PSMC4: variants seen among roughly 807,000 people sequenced by gnomAD.
PSMC4 encodes proteasome 26S subunit, ATPase 4.
Under a neutral mutation model 48.4 loss-of-function variants are expected in PSMC4, and 13 were observed. The ratio of observed to expected loss-of-function variants is 0.27; its 90% CI spans 0.18 to 0.43. PSMC4 has a LOEUF of 0.43. Ranked by LOEUF, PSMC4 falls within the 20% of genes least tolerant of loss-of-function variation. The pLI is 1.00. For missense variants in PSMC4, 262 were observed against 555.9 expected (o/e 0.47, Z 5.32); for synonymous variants, 202 against 212.3 (o/e 0.95, Z 0.42).
Position 39,974,233 on chromosome 19 carries a change from G to A in PSMC4, c.323-61G>A, listed in dbSNP as rs1971155649. 6.9e-6 allele frequency: 11 copies of A among 1,591,772 alleles called. No individual in the cohort carries two copies. The highest frequency in any genetic ancestry group is 8.6e-6 in the Non-Finnish European group (10 of 1,166,036). On this transcript the variant is annotated intron_variant, in intron 3 of 10. Transcript: ENST00000157812. The surrounding 1 kb of genome is among the most constrained non-coding windows in gnomAD (Gnocchi z 5.5). ...TTGGGGTGTGGAGATTAGGAGGGAG[G>A]AAGGGGGAAGGGGCAGTTTCCAGGC... is the stretch of plus-strand genomic sequence containing the variant.
chr19:39,978,004 C>T (rs1390793178), intron 6 of PSMC4, among the ~76,000 whole-genome samples: 1 of 151,944 alleles, frequency 6.6e-6, no homozygotes, highest in African/African-American at 2.4e-5. Flanking sequence ...TCTTCATTTT[C>T]AGTAGAGACA....
rs1045707313 is a variant in PSMC4, at chr19:39,974,239, G to A, written c.323-55G>A. The A allele has an allele frequency of 7.1e-5, 113 of 1,599,088 alleles. No homozygotes were observed. The highest frequency in any genetic ancestry group is 9.2e-5 in the Non-Finnish European group (108 of 1,170,792). Reference sequence around the variant, plus strand: ...TGTGGAGATTAGGAGGGAGGAAGGGGGAAGGGGCAGTTTCCAGGCTGACAC... The same window carrying A: ...TGTGGAGATTAGGAGGGAGGAAGGGAGAAGGGGCAGTTTCCAGGCTGACAC... On this transcript the variant is annotated intron_variant, in intron 3 of 10. Transcript: ENST00000157812. This position sits in a 1 kb window ranked among gnomAD's most constrained non-coding sequence, Gnocchi z 5.5.
chr19:39,980,795 CT>C lies in PSMC4; in HGVS notation c.1143+79del. 4 of 1,436,904 alleles carry C rather than the reference CT, an allele frequency of 2.8e-6. No homozygotes were observed. The highest frequency in any genetic ancestry group is 3.9e-6 in the Non-Finnish European group (4 of 1,019,908). The allele number at this position is 1,436,904 out of a possible 1,614,324, so 89.0% of individuals were successfully genotyped here. A position where few individuals can be genotyped will look rare whatever the true frequency, so the allele number is the denominator to read the frequency against. On this transcript the variant is annotated intron_variant, in intron 10 of 10. Transcript: ENST00000157812. This position sits in a 1 kb window ranked among gnomAD's most constrained non-coding sequence, Gnocchi z 4.8. ...TTCTCTGAACCACTCTGCTGCAGTC[CT>C]GTCCCCTCATGGCTGCCCTGGGTCG... is the stretch of plus-strand genomic sequence containing the variant.
chr19:39,971,612 A>G (rs908473403), intron 1 of PSMC4, among the ~76,000 whole-genome samples: 1 of 152,042 alleles, frequency 6.6e-6, no homozygotes, highest in African/African-American at 2.4e-5. Context: ...TGCGGGGCTG[A>G]CTGATGTTCA....
Position 39,972,651 on chromosome 19 carries a change from CAATGTT to C in PSMC4, c.322+97_322+102del. The C allele has an allele frequency of 4.8e-6, 5 of 1,041,602 alleles. No individual in the cohort carries two copies. The South Asian group carries it at 6.6e-5, about 14-fold the overall frequency. The allele number at this position is 1,041,602 out of a possible 1,614,324, so 64.5% of individuals were successfully genotyped here. A position where few individuals can be genotyped will look rare whatever the true frequency, so the allele number is the denominator to read the frequency against. On this transcript the variant is annotated intron_variant, in intron 3 of 10. Transcript: ENST00000157812. ...GCAAACAAGGCAGGGCAGTGCAGTG[CAATGTT>C]CTTCAGAGTATTTTGACTGATCGAA...
chr19:39,974,515 TC>T lies in PSMC4; in HGVS notation c.470-6del, dbSNP rs1173346265. On this transcript the variant is annotated splice_region_variant and splice_polypyrimidine_tract_variant and intron_variant, in intron 4 of 10. Transcript: ENST00000157812. The surrounding 1 kb of genome is among the most constrained non-coding windows in gnomAD (Gnocchi z 5.5). Reference sequence around the variant, plus strand: ...CTGGCCAGGAGCCCCAGCTCTGCTCTCCCACCAGACCAGAAGCCAGATGTGA... The same window carrying T: ...CTGGCCAGGAGCCCCAGCTCTGCTCTCCACCAGACCAGAAGCCAGATGTGA... The T allele has an allele frequency of 6.2e-7, 1 of 1,613,874 alleles. No homozygotes were observed. Among genetic ancestry groups the T allele is most frequent in the Non-Finnish European group, 8.5e-7 (1 of 1,179,834 alleles).
rs759416206 is a variant in PSMC4, at chr19:39,981,709, C to A, written c.*404C>A. On this transcript the variant is annotated 3_prime_UTR_variant, in exon 11 of 11. Coordinates refer to ENST00000157812, the MANE Select transcript of PSMC4 (RefSeq NM_006503.4). ...TAAAAGACAGTAAAGAAATTCAGGT[C>A]ACAGGCCTTGGGAGTTCATAGGAAG... is the stretch of plus-strand genomic sequence containing the variant. 1.9e-4 allele frequency among the ~76,000 whole-genome samples: 29 copies of A among 152,048 alleles called. No homozygotes were observed. The highest frequency in any genetic ancestry group is 3.4e-4 in the Non-Finnish European group (23 of 68,014).
In PSMC4 at chr19:39,980,170, G is replaced by C. The variant is rs1971265385; in HGVS notation, c.918+24G>C. On this transcript the variant is annotated intron_variant, in intron 8 of 10. Transcript: ENST00000157812. This position sits in a 1 kb window ranked among gnomAD's most constrained non-coding sequence, Gnocchi z 4.8. Reference sequence around the variant, plus strand: ...AGGTTTGGGGTTTGGGATGGACAAGGGGAGGTGTGGTGTAGGAACTGGGGA... The same window carrying C: ...AGGTTTGGGGTTTGGGATGGACAAGCGGAGGTGTGGTGTAGGAACTGGGGA... 2 of 1,613,992 alleles carry C rather than the reference G, an allele frequency of 1.2e-6. No individual in the cohort carries two copies. Among genetic ancestry groups the C allele is most frequent in the African/African-American group, 1.3e-5 (1 of 75,014 alleles).
rs772139381 is a variant in PSMC4 at position 39,974,462 on chromosome 19, G to A, written c.469+22G>A. 6.2e-7 allele frequency: 1 copy of A among 1,613,686 alleles called. No individual in the cohort carries two copies. The highest frequency in any genetic ancestry group is 8.5e-7 in the Non-Finnish European group (1 of 1,179,704). On this transcript the variant is annotated intron_variant, in intron 4 of 10. Coordinates refer to ENST00000157812, the MANE Select transcript of PSMC4 (RefSeq NM_006503.4). This position sits in a 1 kb window ranked among gnomAD's most constrained non-coding sequence, Gnocchi z 5.5. ...TCAGGTAAAGGGGGAGCCTGCAGCT[G>A]GGAGGGCCCCATGGGGACCTTGAGG...
chr19:39,977,850 T>C (rs1486382709), intron 6 of PSMC4, among the ~76,000 whole-genome samples: 1 of 151,052 alleles, frequency 6.6e-6, no homozygotes, highest in African/African-American at 2.4e-5. Context: ...TAGGGTCTTG[T>C]TCTGTCACCC....
In PSMC4 at chr19:39,974,629, A is replaced by G. The variant is rs778764576; in HGVS notation, c.575A>G (p.Lys192Arg). Residue 192 changes from lysine to arginine, a missense_variant, in exon 5 of 11, where the codon AAG (lysine) becomes AGG (arginine). This residue lies in a region of PSMC4 where 131 missense variants were observed against 276.7 expected (regional missense o/e 0.47). Transcript: ENST00000157812. This position sits in a 1 kb window ranked among gnomAD's most constrained non-coding sequence, Gnocchi z 5.5. ...CCGCTCACGCATTTCGAGCTCTACA[A>G]GCAGGTGAGGCGGTGCAGGTGGCAG... is the stretch of plus-strand genomic sequence containing the variant. ...ELPLTHFELY[K>R]QIGIDPPRGV... The G allele has an allele frequency of 9.3e-6, 15 of 1,614,068 alleles. No homozygotes were observed. The highest frequency in any genetic ancestry group is 1.3e-5 in the Non-Finnish European group (15 of 1,179,976).
Position 39,981,428 on chromosome 19 carries a change from T to C in PSMC4, c.*123T>C, listed in dbSNP as rs1971285737. The C allele has an allele frequency of 4.5e-6, 3 of 668,342 alleles. No homozygotes were observed. The allele number at this position is 668,342 out of a possible 1,614,324, so 41.4% of individuals were successfully genotyped here. A position where few individuals can be genotyped will look rare whatever the true frequency, so the allele number is the denominator to read the frequency against. On this transcript the variant is annotated 3_prime_UTR_variant, in exon 11 of 11. Transcript: ENST00000157812. ...AGGATTGGTTTCTTCAATAAATAGA[T>C]AAGATCGAATCCATTTAATTTCTTC...
At chr19:39,976,896 C>T (rs1270165102) in intron 6 of PSMC4, among the ~76,000 whole-genome samples, 8 of 142,846 alleles carry the variant, frequency 5.6e-5, no homozygotes, top group Non-Finnish European at 1.2e-4. Flanking sequence ...GTAGCCCAGG[C>T]TGGAGTGCAG....
At chr19:39,975,273 T>C (rs1971179086) in intron 6 of PSMC4, among the ~76,000 whole-genome samples, 1 of 151,948 alleles carries the variant, frequency 6.6e-6, no homozygotes, top group African/African-American at 2.4e-5. Flanking sequence ...AAAATATATA[T>C]ATATATTTTA....
intron 6 of PSMC4, among the ~76,000 whole-genome samples, chr19:39,976,917 T>G (rs1201837675): frequency 6.6e-6 from 1 of 151,076 alleles, no homozygotes; most frequent in African/African-American, 2.4e-5. Flanking sequence ...TGGTGCTATC[T>G]TGGTTCACTG....
At chr19:39,975,440 A>C (rs1366527188) in intron 6 of PSMC4, among the ~76,000 whole-genome samples, 1 of 151,340 alleles carries the variant, frequency 6.6e-6, no homozygotes, top group Non-Finnish European at 1.5e-5. Flanking sequence ...TGCCAGACAA[A>C]AATGTCTGAA....
chr19:39,972,566 G>A lies in PSMC4; in HGVS notation c.322+11G>A. On this transcript the variant is annotated intron_variant, in intron 3 of 10. Transcript: ENST00000157812. ...TGGGCTCTACCACAGGTGTGCTAAG[G>A]ACACCTCATTCATTCATCTGTCCAC... is the stretch of plus-strand genomic sequence containing the variant. 2 of 1,601,206 alleles carry A rather than the reference G, an allele frequency of 1.2e-6. No homozygotes were observed. Among genetic ancestry groups the A allele is most frequent in the Non-Finnish European group, 1.7e-6 (2 of 1,171,144 alleles).
At chr19:39,979,576 A>AT in intron 6 of PSMC4, 2 of 345,478 alleles carry the variant, frequency 5.8e-6, no homozygotes, top group African/African-American at 2.1e-5. Context: ...AAAAAAAAAA[A>AT]GTGACACATT....
At chr19:39,971,385 T>C (rs1568373397) in intron 1 of PSMC4, 147 bp downstream of exon 1, 5 of 952,212 alleles carry the variant, frequency 5.3e-6, no homozygotes, top group Non-Finnish European at 7.9e-6. Context: ...TTTGTGCCAT[T>C]CGAAGGCCTG....
Sources: gnomAD v4.1 joint callset for allele counts (sites outside exome capture counted in the v4.1 genomes callset) on GRCh38, gnomAD v4.1.1 for gene constraint, gnomAD v4.1.1 regional missense constraint, Gnocchi (gnomAD v3.1) non-coding constraint, MANE v1.5 for transcripts, NCBI Gene and HGNC (gene_info 2026-07-23, HGNC 2026-07-21) for gene names.